Variants in ADARB2 observed in about 807,000 individuals in gnomAD.
The protein encoded by ADARB2 is inactive double-stranded RNA-specific editase B2.
A neutral mutation model predicts 62.2 loss-of-function variants in ADARB2; 25 were observed. That is an observed-to-expected ratio of 0.40 (90% confidence interval 0.29 to 0.56). The LOEUF is 0.56. ADARB2 is among the 20% of genes least tolerant of loss of function. The pLI is 0.43. For synonymous variants in ADARB2, 572 were observed against 500.8 expected, an observed-to-expected ratio of 1.14 and a Z score of -1.90; for missense variants, 1,071 against 1,077.4, an observed-to-expected ratio of 0.99 and a Z score of 0.08.
At position 1,712,403 on chromosome 10, in the gene ADARB2, TTA is replaced by T. The variant is rs1167082940; in HGVS notation, c.100+24646_100+24647del. On this transcript the variant is annotated intron_variant, in intron 1 of 9. Coordinates refer to ENST00000381312, the MANE Select transcript of ADARB2 (RefSeq NM_018702.4). ...CTCAGTTTTATACAAAGGTAAGAAG[TTA>T]TGAGGTGTATTGCAGAATATACTGC... Among the ~76,000 whole-genome samples, 3 of 152,036 alleles carry T rather than the reference TTA, an allele frequency of 2.0e-5. No individual in the cohort carries two copies. The East Asian group carries it at 5.8e-4, about 29-fold the overall frequency.
chr10:1,645,802 A>G (rs1347362110), intron 1 of ADARB2, among the ~76,000 whole-genome samples: 2 of 151,796 alleles, frequency 1.3e-5, no homozygotes, highest in East Asian at 1.9e-4. Context: ...TAACGCCTAT[A>G]CTCCAATGCT....
intron 6 of ADARB2, among the ~76,000 whole-genome samples, chr10:1,230,985 T>G (rs1355308443): frequency 1.3e-5 from 2 of 152,198 alleles, no homozygotes; most frequent in East Asian, 3.9e-4. Context: ...AGAACGTATT[T>G]GTTTTTCTAA....
In ADARB2 at chr10:1,401,274, G is replaced by C. The variant is rs559472223; in HGVS notation, c.101-22114C>G. 1.7e-4 allele frequency among the ~76,000 whole-genome samples: 26 copies of C among 152,350 alleles called. No homozygotes were observed. In the South Asian group the frequency reaches 5.2e-3, roughly 30 times the overall value. On this transcript the variant is annotated intron_variant, in intron 1 of 9. Transcript: ENST00000381312. ...GGTCTGGTCGTGACTTTCCCACAAG[G>C]CATCACCCATGGGAAGGAGGCGTGA...
chr10:1,252,586 G>A (rs73592260), intron 4 of ADARB2, among the ~76,000 whole-genome samples: 4,059 of 152,118 alleles, frequency 0.027, 177 homozygotes, highest in African/African-American at 0.092. Context: ...TATCATGATC[G>A]GCCTGCAATC....
At chr10:1,579,956 G>T (rs1250157661) in intron 1 of ADARB2, among the ~76,000 whole-genome samples, 1 of 150,390 alleles carries the variant, frequency 6.6e-6, no homozygotes, top group African/African-American at 2.5e-5. Flanking sequence ...TTGAAGTCTT[G>T]TCTGTTCACC....
At chr10:1,381,245 G>T (rs1438595807) in intron 1 of ADARB2, among the ~76,000 whole-genome samples, 1 of 152,136 alleles carries the variant, frequency 6.6e-6, no homozygotes, top group Non-Finnish European at 1.5e-5. Flanking sequence ...TCAGTGGAAG[G>T]CAAAGGACTT....
intron 1 of ADARB2, among the ~76,000 whole-genome samples, chr10:1,613,100 C>T (rs949566527): frequency 9.2e-5 from 14 of 152,284 alleles, no homozygotes; most frequent in African/African-American, 2.6e-4. Context: ...GACAGCTCCC[C>T]GGCATCTGTC....
At chr10:1,257,877 G>A (rs1831094289) in intron 4 of ADARB2, among the ~76,000 whole-genome samples, 1 of 152,280 alleles carries the variant, frequency 6.6e-6, no homozygotes, top group East Asian at 1.9e-4. Context: ...GGGGAAGCAG[G>A]GAGTGTAAAC....
At chr10:1,395,507 G>A (rs1588243052) in intron 1 of ADARB2, among the ~76,000 whole-genome samples, 1 of 152,168 alleles carries the variant, frequency 6.6e-6, no homozygotes. Context: ...TGCTGTTACT[G>A]CCCAGCCCAG....
At chr10:1,365,785 A>G (rs183625003) in intron 2 of ADARB2, among the ~76,000 whole-genome samples, 32 of 152,350 alleles carry the variant, frequency 2.1e-4, no homozygotes, top group Admixed American at 1.7e-3. Context: ...AAACCTTCAT[A>G]CACAGAGGCA....
intron 1 of ADARB2, among the ~76,000 whole-genome samples, chr10:1,683,674 G>A (rs1014769738): frequency 6.6e-6 from 1 of 152,190 alleles, no homozygotes; most frequent in African/African-American, 2.4e-5. Context: ...CAAATGTTTA[G>A]TGGGTCAGCC....
chr10:1,301,968 T>G (rs1589185160), intron 3 of ADARB2, among the ~76,000 whole-genome samples: 1 of 152,112 alleles, frequency 6.6e-6, no homozygotes, highest in Non-Finnish European at 1.5e-5. Context: ...CACTCTGGTG[T>G]TGTGCACTGC....
chr10:1,645,982 A>T (rs1385271448), intron 1 of ADARB2, among the ~76,000 whole-genome samples: 2 of 152,200 alleles, frequency 1.3e-5, no homozygotes, highest in African/African-American at 4.8e-5. Context: ...GACATGAAAC[A>T]GATAATGACA....
At chr10:1,352,703 CAT>C (rs1832155202) in intron 3 of ADARB2, among the ~76,000 whole-genome samples, 1 of 152,208 alleles carries the variant, frequency 6.6e-6, no homozygotes, top group Admixed American at 6.5e-5. Flanking sequence ...ATACCTGACG[CAT>C]ATACTTTCTG....
At chr10:1,230,653 A>C (rs948322746) in intron 6 of ADARB2, among the ~76,000 whole-genome samples, 13 of 152,090 alleles carry the variant, frequency 8.5e-5, no homozygotes, top group African/African-American at 1.4e-4. Flanking sequence ...CAGCTCTCTG[A>C]AGGGTCCTTC....
chr10:1,667,717 G>A (rs1024989980), intron 1 of ADARB2, among the ~76,000 whole-genome samples: 1 of 152,158 alleles, frequency 6.6e-6, no homozygotes, highest in Non-Finnish European at 1.5e-5. Flanking sequence ...AAGAAATGCT[G>A]CTCAATTGTC....
At chr10:1,582,860 A>G (rs1564338233) in intron 1 of ADARB2, among the ~76,000 whole-genome samples, 1 of 152,202 alleles carries the variant, frequency 6.6e-6, no homozygotes, top group Non-Finnish European at 1.5e-5. Context: ...TTTCATAATC[A>G]TGGTGCCTCT....
Position 1,233,896 on chromosome 10 carries a change from T to C in ADARB2, c.1362-51A>G, listed in dbSNP as rs1468064992. ...CATTTATCACAAACCAAACCAGAAA[T>C]GTTCCAACCAGGTGAACGCTTGAGT... On this transcript the variant is annotated intron_variant, in intron 5 of 9. Transcript: ENST00000381312. The C allele has an allele frequency of 6.4e-6, 10 of 1,573,082 alleles. No homozygotes were observed. In the Admixed American group the frequency reaches 1.8e-4, roughly 28 times the overall value.
intron 8 of ADARB2, among the ~76,000 whole-genome samples, chr10:1,185,302 A>C (rs1011984129): frequency 1.3e-5 from 2 of 152,182 alleles, no homozygotes; most frequent in African/African-American, 4.8e-5. Flanking sequence ...GTGATAATAT[A>C]GCTCCGTCCA....
Sources: allele counts gnomAD v4.1 joint callset (sites outside exome capture counted in the v4.1 genomes callset), GRCh38; gene constraint gnomAD v4.1.1; transcripts MANE v1.5; gene names NCBI Gene and HGNC (gene_info 2026-07-23, HGNC 2026-07-21).